MEI1: variants seen among roughly 807,000 people sequenced by gnomAD.
The protein encoded by MEI1 is meiotic double-stranded break formation protein 1.
Under a neutral mutation model 146.2 loss-of-function variants are expected in MEI1, and 103 were observed. The observed-to-expected ratio is 0.70, with a 90% confidence interval of 0.60 to 0.83. MEI1 has a LOEUF of 0.83. Ranked by LOEUF, MEI1 falls within the 40% of genes least tolerant of loss-of-function variation. The pLI is 0.00. For missense variants in MEI1, 1,529 were observed against 1,533.0 expected, an observed-to-expected ratio of 1.00 and a Z score of 0.04; for synonymous variants, 652 against 628.2, an observed-to-expected ratio of 1.04 and a Z score of -0.57.
At chr22:41,730,958 C>G (rs1432225894) in intron 9 of MEI1, among the ~76,000 whole-genome samples, 1 of 152,120 alleles carries the variant, frequency 6.6e-6, no homozygotes, top group African/African-American at 2.4e-5. Context: ...TAGTTCTTTC[C>G]CATGCCGCAG....
chr22:41,758,153 T>C (rs1415002087), intron 17 of MEI1, among the ~76,000 whole-genome samples: 2 of 152,022 alleles, frequency 1.3e-5, no homozygotes, highest in Non-Finnish European at 2.9e-5. Flanking sequence ...TTTTGAGACA[T>C]ATCCATGTCC....
intron 26 of MEI1, among the ~76,000 whole-genome samples, chr22:41,786,933 T>C (rs1358163778): frequency 6.6e-6 from 1 of 152,254 alleles, no homozygotes; most frequent in East Asian, 1.9e-4. Flanking sequence ...TGAAGGATAC[T>C]GGGGGCCCCA....
chr22:41,760,269 C>T (rs1195555536), intron 18 of MEI1, among the ~76,000 whole-genome samples: 3 of 150,974 alleles, frequency 2.0e-5, no homozygotes, highest in African/African-American at 4.9e-5. Flanking sequence ...GAGATCGCGC[C>T]ACTGCACTCC....
At chr22:41,702,921 T>C (rs1263346372) in intron 1 of MEI1, among the ~76,000 whole-genome samples, 2 of 152,132 alleles carry the variant, frequency 1.3e-5, no homozygotes, top group Non-Finnish European at 2.9e-5. Flanking sequence ...AGTTGCACCA[T>C]GTTGGCCATG....
chr22:41,740,455 A>G (rs1460501571), intron 11 of MEI1, among the ~76,000 whole-genome samples: 1 of 152,074 alleles, frequency 6.6e-6, no homozygotes, highest in African/African-American at 2.4e-5. Context: ...AAAAGAATTT[A>G]AAGAGGCCGG....
intron 6 of MEI1, among the ~76,000 whole-genome samples, chr22:41,721,061 A>ATG (rs1569176036): frequency 6.6e-6 from 1 of 150,746 alleles, no homozygotes; most frequent in Non-Finnish European, 1.5e-5. Context: ...TTACAGGCTT[A>ATG]AGCCACTGCG....
chr22:41,784,587 T>A (rs1184998453), intron 25 of MEI1, 21 bp from the exon 26 acceptor site: 1 of 1,609,270 alleles, frequency 6.2e-7, no homozygotes, highest in Non-Finnish European at 8.5e-7. Flanking sequence ...GAATTGGGTG[T>A]AAGGAATCTC....
At chr22:41,761,009 T>C (rs1462946149) in intron 18 of MEI1, among the ~76,000 whole-genome samples, 1 of 152,080 alleles carries the variant, frequency 6.6e-6, no homozygotes, top group African/African-American at 2.4e-5. Flanking sequence ...TAAAACAATA[T>C]GAGAGGGTCT....
At chr22:41,782,944 C>T (rs2075818983) in intron 24 of MEI1, among the ~76,000 whole-genome samples, 1 of 152,252 alleles carries the variant, frequency 6.6e-6, no homozygotes, top group Middle Eastern at 3.4e-3. Context: ...CCTGGCCACC[C>T]GCCTCTTCCC....
In MEI1 at chr22:41,714,019, A is replaced by G. The variant is rs374686480; in HGVS notation, c.367A>G (p.Thr123Ala). The G allele has an allele frequency of 8.2e-6, 13 of 1,594,656 alleles. No homozygotes were observed. The highest frequency in any genetic ancestry group is 1.7e-4 in the Middle Eastern group (1 of 5,986). ...CTGTTCAGTCCTTATTCAGATCACA[A>G]CGCAGCTGAAGCTGGAGCAGACTAT... ...LCIEVLIQIT[T>A]QLKLEQTIRC... The change falls in exon 4 of 31, where the codon ACG (threonine) becomes GCG (alanine). Residue 123 changes from threonine to alanine, a missense_variant. Transcript: ENST00000401548.
At chr22:41,728,381 T>C (rs2071552958) in intron 7 of MEI1, among the ~76,000 whole-genome samples, 1 of 152,338 alleles carries the variant, frequency 6.6e-6, no homozygotes, top group South Asian at 2.1e-4. Flanking sequence ...GTGCACTCAA[T>C]AAATTGAGGT....
intron 6 of MEI1, 80 bp downstream of exon 6, chr22:41,718,354 G>A (rs2070406128): frequency 2.1e-6 from 3 of 1,398,296 alleles, no homozygotes; most frequent in Non-Finnish European, 3.0e-6. Context: ...GGGTTCTCTA[G>A]TAGTGGGGAA....
In MEI1 at chr22:41,709,156, A is replaced by T. The variant is rs1403372051; in HGVS notation, c.349+3602A>T. 43 of 728,266 alleles carry T rather than the reference A, an allele frequency of 5.9e-5. 1 individual carries two copies. In the East Asian group the frequency reaches 8.8e-4, roughly 15 times the overall value. The allele number at this position is 728,266 out of a possible 1,614,324, so 45.1% of individuals were successfully genotyped here. ...ATTCTGCATTTTTATAAAACTTGATAAAAAATAGTATTTCAAACTGTACAG... is the reference window on the plus strand; with the variant it reads ...ATTCTGCATTTTTATAAAACTTGATTAAAAATAGTATTTCAAACTGTACAG... On this transcript the variant is annotated intron_variant, in intron 3 of 30. Transcript: ENST00000401548.
At chr22:41,751,852 A>G (rs2147854456) in intron 15 of MEI1, among the ~76,000 whole-genome samples, 1 of 151,848 alleles carries the variant, frequency 6.6e-6, no homozygotes, top group South Asian at 2.1e-4. Flanking sequence ...TGGGTGGATC[A>G]TGAGGTCAAG....
intron 14 of MEI1, among the ~76,000 whole-genome samples, chr22:41,747,055 A>AAT (rs1232345089): frequency 1.3e-5 from 2 of 151,306 alleles, no homozygotes; most frequent in African/African-American, 2.4e-5. Flanking sequence ...CTTTTATAAT[A>AAT]ATAATAATAA....
At chr22:41,767,533 G>C (rs191067851) in intron 19 of MEI1, 1 of 455,312 alleles carries the variant, frequency 2.2e-6, no homozygotes, top group African/African-American at 2.0e-5. Context: ...GGATATTTCA[G>C]AGTGTCAGGC....
At chr22:41,757,052 C>G (rs753249882) in intron 17 of MEI1, among the ~76,000 whole-genome samples, 1 of 152,188 alleles carries the variant, frequency 6.6e-6, no homozygotes, top group Non-Finnish European at 1.5e-5. Context: ...CTCTTTTCTC[C>G]TGTCGCTGCC....
intron 9 of MEI1, among the ~76,000 whole-genome samples, chr22:41,731,932 A>G (rs2071901593): frequency 6.6e-6 from 1 of 152,064 alleles, no homozygotes; most frequent in East Asian, 1.9e-4. Context: ...TGGGGTTTTG[A>G]CCTGATTCTC....
At chr22:41,718,313 T>G (rs561891235) in intron 6 of MEI1, 39 bp downstream of exon 6, 1 of 1,588,704 alleles carries the variant, frequency 6.3e-7, no homozygotes, top group East Asian at 2.2e-5. Context: ...AGAATAAGTT[T>G]TTGACATTTT....
Sources: gnomAD v4.1 joint callset for allele counts (sites outside exome capture counted in the v4.1 genomes callset) on GRCh38, gnomAD v4.1.1 for gene constraint, MANE v1.5 for transcripts, NCBI Gene and HGNC (gene_info 2026-07-23, HGNC 2026-07-21) for gene names.